ADGRB3: variants seen among roughly 807,000 people sequenced by gnomAD.
ADGRB3 encodes adhesion G protein-coupled receptor B3.
A neutral mutation model predicts 193.4 loss-of-function variants in ADGRB3; 37 were observed. The ratio of observed to expected loss-of-function variants is 0.19; its 90% CI spans 0.15 to 0.25. The LOEUF (loss-of-function observed/expected upper bound fraction) is 0.25. Among genes scored for constraint, ADGRB3 ranks in the 10% least tolerant of loss-of-function variants. ADGRB3 has a pLI of 1.00. For synonymous variants in ADGRB3, 690 were observed against 644.2 expected, an observed-to-expected ratio of 1.07 and a Z score of -1.08; for missense variants, 1,637 against 1,852.9, an observed-to-expected ratio of 0.88 and a Z score of 2.14.
intron 3 of ADGRB3, among the ~76,000 whole-genome samples, chr6:68,689,411 G>T (rs1016418732): frequency 6.6e-6 from 1 of 152,114 alleles, no homozygotes; most frequent in Non-Finnish European, 1.5e-5. Context: ...AGGGTACAAA[G>T]CAGAGCAGAG....
rs187039797 is a variant in ADGRB3 at position 68,696,233 on chromosome 6, T to G, written c.757+56801T>G. ...AGTAAATCTTGGCACTTAAGATTAT[T>G]GTGTCGCTGTGGAATCAAATGCTTA... On this transcript the variant is annotated intron_variant, in intron 3 of 31. Coordinates refer to ENST00000370598, the MANE Select transcript of ADGRB3 (RefSeq NM_001704.3). Among the ~76,000 whole-genome samples the G allele has an allele frequency of 5.5e-4, 83 of 152,158 alleles. 1 individual carries two copies. The highest frequency in any genetic ancestry group is 1.0e-4 in the Non-Finnish European group (7 of 67,990).
At chr6:69,113,087 G>A (rs941484963) in intron 17 of ADGRB3, among the ~76,000 whole-genome samples, 2 of 152,130 alleles carry the variant, frequency 1.3e-5, no homozygotes, top group African/African-American at 2.4e-5. Flanking sequence ...GAGAGGATGT[G>A]CACAGCTTAT....
At chr6:68,812,333 T>TTA (rs985162142) in intron 3 of ADGRB3, among the ~76,000 whole-genome samples, 9 of 151,780 alleles carry the variant, frequency 5.9e-5, no homozygotes, top group African/African-American at 2.2e-4. Context: ...TAATATATCT[T>TTA]TTTTTTTATT....
At chr6:68,678,522 A>T (rs1299402125) in intron 3 of ADGRB3, among the ~76,000 whole-genome samples, 1 of 152,200 alleles carries the variant, frequency 6.6e-6, no homozygotes, top group Non-Finnish European at 1.5e-5. Context: ...TAGAACATAT[A>T]AAAGACAGGT....
intron 17 of ADGRB3, among the ~76,000 whole-genome samples, chr6:69,107,393 A>G (rs746966867): frequency 2.0e-5 from 3 of 152,226 alleles, no homozygotes; most frequent in Non-Finnish European, 4.4e-5. Context: ...AAAATCATTT[A>G]TTTATCAAAT....
At chr6:68,919,379 A>G (rs963514427) in intron 3 of ADGRB3, among the ~76,000 whole-genome samples, 5 of 152,208 alleles carry the variant, frequency 3.3e-5, no homozygotes, top group African/African-American at 1.2e-4. Flanking sequence ...AAGGGAAATG[A>G]TTATTTCTTT....
At chr6:68,940,788 A>C (rs1484516697) in intron 5 of ADGRB3, among the ~76,000 whole-genome samples, 1 of 151,948 alleles carries the variant, frequency 6.6e-6, no homozygotes, top group African/African-American at 2.4e-5. Context: ...GCTAGTCAGG[A>C]GGCTGAGGCA....
At chr6:68,885,722 C>G (rs1203781857) in intron 3 of ADGRB3, among the ~76,000 whole-genome samples, 1 of 152,098 alleles carries the variant, frequency 6.6e-6, no homozygotes, top group Non-Finnish European at 1.5e-5. Flanking sequence ...TTTCAGTTAG[C>G]CTTCAGAAAT....
At chr6:69,193,956 G>A (rs1028237211) in intron 17 of ADGRB3, among the ~76,000 whole-genome samples, 44 of 152,014 alleles carry the variant, frequency 2.9e-4, no homozygotes, top group African/African-American at 1.0e-3. Flanking sequence ...ATTTTTTCCA[G>A]CTACCATTTT....
chr6:69,072,410 T>G (rs1418893335), intron 16 of ADGRB3, among the ~76,000 whole-genome samples: 2 of 152,188 alleles, frequency 1.3e-5, no homozygotes, highest in Non-Finnish European at 2.9e-5. Context: ...GACAAAGTCA[T>G]GGAAAAAGAT....
At chr6:68,768,545 A>G (rs982822069) in intron 3 of ADGRB3, among the ~76,000 whole-genome samples, 9 of 152,342 alleles carry the variant, frequency 5.9e-5, no homozygotes, top group Admixed American at 3.3e-4. Flanking sequence ...TTAACTCAAG[A>G]TGGATTAAAG....
intron 3 of ADGRB3, among the ~76,000 whole-genome samples, chr6:68,838,297 G>C (rs1207453239): frequency 6.6e-6 from 1 of 152,180 alleles, no homozygotes; most frequent in Non-Finnish European, 1.5e-5. Flanking sequence ...TGAGCTTACT[G>C]TGACTGTCCT....
At chr6:68,994,316 T>G (rs1769324677) in intron 11 of ADGRB3, among the ~76,000 whole-genome samples, 1 of 152,138 alleles carries the variant, frequency 6.6e-6, no homozygotes, top group African/African-American at 2.4e-5. Context: ...AAAAATGCAT[T>G]AAGCATAATG....
intron 3 of ADGRB3, among the ~76,000 whole-genome samples, chr6:68,678,728 T>A (rs1764821084): frequency 6.6e-6 from 1 of 152,144 alleles, no homozygotes; most frequent in Non-Finnish European, 1.5e-5. Flanking sequence ...GAATTGCTCA[T>A]ATTCATGTAA....
intron 3 of ADGRB3, among the ~76,000 whole-genome samples, chr6:68,683,664 G>A (rs180905281): frequency 3.1e-4 from 47 of 152,268 alleles, no homozygotes; most frequent in Middle Eastern, 3.4e-3. Flanking sequence ...CTGAGATTGC[G>A]TCAATATTGC....
chr6:69,203,025 C>T (rs1015755030), intron 17 of ADGRB3, among the ~76,000 whole-genome samples: 3 of 151,856 alleles, frequency 2.0e-5, no homozygotes, highest in Non-Finnish European at 4.4e-5. Context: ...AAATTAAAAC[C>T]ATGGCAGATA....
At chr6:69,275,986 C>G (rs1162995188) in intron 20 of ADGRB3, among the ~76,000 whole-genome samples, 1 of 152,170 alleles carries the variant, frequency 6.6e-6, no homozygotes, top group Non-Finnish European at 1.5e-5. Context: ...CCTTTAATTG[C>G]TGCATCTCCA....
chr6:68,811,146 T>G (rs1767505649), intron 3 of ADGRB3, among the ~76,000 whole-genome samples: 1 of 152,154 alleles, frequency 6.6e-6, no homozygotes, highest in African/African-American at 2.4e-5. Context: ...AGTCAATTGA[T>G]TTTAATGCCT....
At chr6:68,724,939 G>A (rs1375045934) in intron 3 of ADGRB3, among the ~76,000 whole-genome samples, 1 of 151,618 alleles carries the variant, frequency 6.6e-6, no homozygotes, top group African/African-American at 2.4e-5. Flanking sequence ...TTCTAGAACT[G>A]TCTTAATGTT....
Sources: allele counts gnomAD v4.1 joint callset (sites outside exome capture counted in the v4.1 genomes callset), GRCh38; gene constraint gnomAD v4.1.1; transcripts MANE v1.5; gene names NCBI Gene and HGNC (gene_info 2026-07-23, HGNC 2026-07-21).